PCSK4: variants seen among roughly 807,000 people sequenced by gnomAD.
PCSK4 encodes the protein proprotein convertase subtilisin/kexin type 4.
Under a neutral mutation model 80.3 loss-of-function variants are expected in PCSK4, and 64 were observed. That is an observed-to-expected ratio of 0.80 (90% CI 0.65 to 0.98). PCSK4 has a LOEUF of 0.98. Ranked by LOEUF, PCSK4 falls within the 50% of genes least tolerant of loss-of-function variation. PCSK4 has a pLI of 0.00. For synonymous variants in PCSK4, 561 were observed against 487.6 expected (o/e 1.15, Z -1.98); for missense variants, 1,213 against 1,093.6 (o/e 1.11, Z -1.54).
intron 2 of PCSK4, among the ~76,000 whole-genome samples, chr19:1,488,765 G>C (rs1308625832): frequency 1.3e-5 from 2 of 151,662 alleles, no homozygotes; most frequent in Non-Finnish European, 1.5e-5. Flanking sequence ...ACATTTAGTA[G>C]AGATGGGGTT....
At chr19:1,482,607 G>T in intron 13 of PCSK4, 132 bp from the exon 14 acceptor site, 1 of 1,147,024 alleles carries the variant, frequency 8.7e-7, no homozygotes, top group Non-Finnish European at 1.2e-6. Flanking sequence ...TCAGGGAATT[G>T]CACACCTACT....
In PCSK4 at chr19:1,487,927, T is replaced by G. The variant is rs558186807; in HGVS notation, c.516+37A>C. 56 of 1,590,420 alleles carry G rather than the reference T, an allele frequency of 3.5e-5. No homozygotes were observed. In the African/African-American group the frequency reaches 6.8e-4, roughly 19 times the overall value. ...CTAGGGTGGTGCCAGCCTCGGCACC[T>G]GGGGCAGCCCTCGCCCACAGCCACC... On this transcript the variant is annotated intron_variant, in intron 4 of 14. Transcript: ENST00000300954.
In PCSK4 at chr19:1,487,899, T is replaced by TC. The variant is rs758072469; in HGVS notation, c.517-39dup. Reference sequence around the variant, plus strand: ...GGGGATATGAGGGGGCCGGGAGGCGTCCCTAGGGTGGTGCCAGCCTCGGCA... The same window carrying TC: ...GGGGATATGAGGGGGCCGGGAGGCGTCCCCTAGGGTGGTGCCAGCCTCGGCA... On this transcript the variant is annotated intron_variant, in intron 4 of 14. Transcript: ENST00000300954. The TC allele has an allele frequency of 2.5e-6, 4 of 1,571,444 alleles. No individual in the cohort carries two copies. In the South Asian group the frequency reaches 3.5e-5, roughly 14 times the overall value.
intron 8 of PCSK4, among the ~76,000 whole-genome samples, chr19:1,485,313 C>T (rs993395949): frequency 9.9e-5 from 15 of 151,932 alleles, no homozygotes; most frequent in African/African-American, 3.6e-4. Flanking sequence ...CTGCTATTCC[C>T]GGCACTTTGG....
intron 1 of PCSK4, 53 bp downstream of exon 1, chr19:1,490,105 G>T (rs890781841): frequency 1.1e-5 from 17 of 1,604,074 alleles, no homozygotes; most frequent in Non-Finnish European, 1.4e-5. Flanking sequence ...GGGGTCTAGG[G>T]TTGTTCAGTC....
At chr19:1,489,955 C>A in intron 1 of PCSK4, 58 bp from the exon 2 acceptor site, 1 of 1,552,352 alleles carries the variant, frequency 6.4e-7, no homozygotes, top group East Asian at 2.4e-5. Flanking sequence ...CTGAAGCCCC[C>A]GAGGGCCGGT....
At chr19:1,488,825 C>T (rs1224433133) in intron 2 of PCSK4, among the ~76,000 whole-genome samples, 1 of 152,164 alleles carries the variant, frequency 6.6e-6, no homozygotes, top group East Asian at 1.9e-4. Context: ...AAGTGATCTG[C>T]CTGCCTTGGC....
chr19:1,487,719 G>T, intron 5 of PCSK4, 28 bp from the exon 6 acceptor site: 1 of 1,550,238 alleles, frequency 6.5e-7, no homozygotes, highest in Non-Finnish European at 8.7e-7. Flanking sequence ...AGGGGCTCCT[G>T]TCACGGCCTC....
chr19:1,484,153 G>C, intron 8 of PCSK4, 26 bp from the exon 9 acceptor site: 1 of 1,307,292 alleles, frequency 7.6e-7, no homozygotes, highest in Non-Finnish European at 1.1e-6. Context: ...GGTGGGACTC[G>C]GGGGGCCGTG....
In PCSK4 at chr19:1,488,171, C is replaced by T; in HGVS notation, c.387+17G>A. ...AGCGGCCCCGTCCCCGTCTACCCACCCTGGCTGCCTGCTCACCATGTACCA... is the reference window on the plus strand; with the variant it reads ...AGCGGCCCCGTCCCCGTCTACCCACTCTGGCTGCCTGCTCACCATGTACCA... On this transcript the variant is annotated intron_variant, in intron 3 of 14. Transcript: ENST00000300954. 1 of 1,613,506 alleles carries T rather than the reference C, an allele frequency of 6.2e-7. No homozygotes were observed. The highest frequency in any genetic ancestry group is 8.5e-7 in the Non-Finnish European group (1 of 1,179,848).
At chr19:1,488,149 G>A (rs748093014) in intron 3 of PCSK4, 39 bp downstream of exon 3, 84 of 1,613,076 alleles carry the variant, frequency 5.2e-5, no homozygotes, top group Non-Finnish European at 6.7e-5. Context: ...GGGCGCCAGC[G>A]GCCCCGTCCC....
Position 1,482,479 on chromosome 19 carries a change from G to C in PCSK4, c.1697-4C>G. On this transcript the variant is annotated splice_polypyrimidine_tract_variant and splice_region_variant and intron_variant, in intron 13 of 14. Coordinates refer to ENST00000300954, the Ensembl canonical transcript of PCSK4. Reference sequence around the variant, plus strand: ...AGCGTGTAGCGGTACAACGTCCCTGGACAGGGGTCGCGGGTGGGCACAGGA... The same window carrying C: ...AGCGTGTAGCGGTACAACGTCCCTGCACAGGGGTCGCGGGTGGGCACAGGA... The C allele has an allele frequency of 6.3e-7, 1 of 1,599,836 alleles. No homozygotes were observed.
At chr19:1,486,003 C>T (rs1299827539) in intron 8 of PCSK4, among the ~76,000 whole-genome samples, 1 of 151,976 alleles carries the variant, frequency 6.6e-6, no homozygotes, top group Non-Finnish European at 1.5e-5. Flanking sequence ...GACAGGGTCT[C>T]GCTCTGTGGC....
At chr19:1,489,653 A>G in intron 2 of PCSK4, 140 bp downstream of exon 2, 2 of 1,417,966 alleles carry the variant, frequency 1.4e-6, no homozygotes, top group Non-Finnish European at 1.9e-6. Context: ...CTTGCTGTAT[A>G]GACTTGGGGC....
chr19:1,484,586 G>T (rs953492727), intron 8 of PCSK4, among the ~76,000 whole-genome samples: 5 of 151,864 alleles, frequency 3.3e-5, no homozygotes, highest in African/African-American at 1.2e-4. Flanking sequence ...GGGAGGCCGA[G>T]GTGGGTGGAT....
intron 10 of PCSK4, 33 bp downstream of exon 10, chr19:1,483,805 C>T (rs2084448632): frequency 4.7e-6 from 7 of 1,504,740 alleles, no homozygotes; most frequent in Non-Finnish European, 6.2e-6. Flanking sequence ...CCCGTGGGCC[C>T]CGGGTCCCCG....
exon 1 of PCSK4, chr19:1,490,168 T>C (rs1003361021): frequency 5.6e-6 from 9 of 1,613,564 alleles, no homozygotes; most frequent in Admixed American, 1.7e-5. Flanking sequence ...CGGCCCCAGG[T>C]TGACGAAGCC....
At chr19:1,490,266 G>C (rs1338933454) in exon 1 of PCSK4, 1 of 1,606,594 alleles carries the variant, frequency 6.2e-7, no homozygotes, top group Admixed American at 1.7e-5. Context: ...CTCGGACCGG[G>C]GCCCACCCCA....
rs115270368 is a variant in PCSK4 at position 1,486,790 on chromosome 19, G to C, written c.1068+63C>G. On this transcript the variant is annotated intron_variant, in intron 8 of 14. Coordinates refer to ENST00000300954, the Ensembl canonical transcript of PCSK4. ...TGCTAAGTCACAGTGGTGGGGACAG[G>C]AGGAGGCCAGGCTGGGATGGCAGGG... 3,354 of 1,369,220 alleles carry C rather than the reference G, an allele frequency of 2.4e-3. 59 individuals carry two copies. In the African/African-American group the frequency reaches 0.039, roughly 16 times the overall value. The allele number at this position is 1,369,220 out of a possible 1,614,324, so 84.8% of individuals were successfully genotyped here.
Sources: gnomAD v4.1 joint callset for allele counts (sites outside exome capture counted in the v4.1 genomes callset) on GRCh38, gnomAD v4.1.1 for gene constraint, MANE v1.5 for transcripts, NCBI Gene and HGNC (gene_info 2026-07-23, HGNC 2026-07-21) for gene names.